SPEG: variants seen among roughly 807,000 people sequenced by gnomAD.
SPEG encodes striated muscle preferentially expressed protein kinase.
Under a neutral mutation model 300.4 loss-of-function variants are expected in SPEG, and 114 were observed. The observed-to-expected ratio is 0.38, with a 90% CI of 0.33 to 0.44. The LOEUF (loss-of-function observed/expected upper bound fraction) is 0.44, where lower values mean the gene tolerates loss of function less well. SPEG is among the 20% of genes least tolerant of loss of function. The pLI is 1.00. For missense variants in SPEG, 4,201 were observed against 4,586.2 expected, an observed-to-expected ratio of 0.92 and a Z score of 2.43; for synonymous variants, 1,964 against 2,018.9, an observed-to-expected ratio of 0.97 and a Z score of 0.73.
intron 18 of SPEG, among the ~76,000 whole-genome samples, chr2:219,476,052 C>T (rs1692313552): frequency 6.6e-6 from 1 of 152,060 alleles, no homozygotes; most frequent in African/African-American, 2.4e-5. Flanking sequence ...TGGCGGGGGA[C>T]ACCTGGAAGT....
chr2:219,481,176 C>G lies in SPEG; in HGVS notation c.5370-128C>G. The G allele has an allele frequency of 9.9e-7, 1 of 1,008,882 alleles. No homozygotes were observed. Among genetic ancestry groups the G allele is most frequent in the South Asian group, 1.5e-5 (1 of 66,774 alleles). The allele number at this position is 1,008,882 out of a possible 1,614,324, so 62.5% of individuals were successfully genotyped here. A position where few individuals can be genotyped will look rare whatever the true frequency, so the allele number is the denominator to read the frequency against. On this transcript the variant is annotated intron_variant, in intron 26 of 40. Transcript: ENST00000312358. This position sits in a 1 kb window ranked among gnomAD's most constrained non-coding sequence, Gnocchi z 5.4. ...AGAGAGTCCGCAGCCTCACCTCTTA[C>G]CCACATTTGCCCAGCCTCTGTCATC... is the stretch of plus-strand genomic sequence containing the variant.
Position 219,464,514 on chromosome 2 carries a change from C to A in SPEG, c.2787C>A (p.Ile929=). The part of the protein sequence containing the change: ...EAEGGLCRLR[I]LAAERGDAGF... ...AGGGTGGGCTGTGCCGGCTGCGGAT[C>A]CTGGCTGCAGAGCGTGGCGATGCTG... The change falls in exon 9 of 41, where the codon ATC becomes ATA. Residue 929 remains isoleucine, a synonymous_variant. Coordinates refer to ENST00000312358, the MANE Select transcript of SPEG (RefSeq NM_005876.5). The surrounding 1 kb of genome is among the most constrained non-coding windows in gnomAD (Gnocchi z 4.5). 1 of 1,614,208 alleles carries A rather than the reference C, an allele frequency of 6.2e-7. No individual in the cohort carries two copies. The highest frequency in any genetic ancestry group is 1.3e-5 in the African/African-American group (1 of 75,074).
rs749359893 is a variant in SPEG at position 219,464,593 on chromosome 2, C to T, written c.2866C>T (p.Arg956Cys). 6.9e-5 allele frequency: 112 copies of T among 1,613,948 alleles called. No individual in the cohort carries two copies. The highest frequency in any genetic ancestry group is 8.8e-5 in the Non-Finnish European group (104 of 1,179,906). Reference sequence around the variant, plus strand: ...GTATGGTGCTCGGCAGTGCGAGGCCCGCTTGGAGGTCCGAGGTGAGTACCT... The same window carrying T: ...GTATGGTGCTCGGCAGTGCGAGGCCTGCTTGGAGGTCCGAGGTGAGTACCT... The part of the protein sequence containing the change: ...NEYGARQCEA[R>C]LEVRAHPESR... Residue 956 changes from arginine to cysteine, a missense_variant, in exon 9 of 41, where the codon CGC (arginine) becomes TGC (cysteine). By Grantham distance (180) the Arg-to-Cys change is radical. Transcript: ENST00000312358. The surrounding 1 kb of genome is among the most constrained non-coding windows in gnomAD (Gnocchi z 4.5).
Position 219,477,791 on chromosome 2 carries a change from G to C in SPEG, c.4826+6G>C. The C allele has an allele frequency of 6.2e-7, 1 of 1,601,946 alleles. No homozygotes were observed. On this transcript the variant is annotated splice_donor_region_variant and intron_variant, in intron 21 of 40. Transcript: ENST00000312358. This position sits in a 1 kb window ranked among gnomAD's most constrained non-coding sequence, Gnocchi z 6.4. ...ATCCACCAGGAGATCGGCAGGTGTG[G>C]GGCTAGGAGGGAAGCCAGTGGGGGC...
intron 15 of SPEG, 73 bp from the exon 16 acceptor site, chr2:219,472,817 G>A: frequency 7.6e-7 from 1 of 1,318,208 alleles, no homozygotes; most frequent in Admixed American, 2.2e-5. Context: ...GAGTTCCAGG[G>A]TCCCGGGCCA....
Position 219,448,780 on chromosome 2 carries a change from C to T in SPEG, c.1622C>T (p.Thr541Ile), listed in dbSNP as rs929264588. The change falls in exon 4 of 41, where the codon ACC becomes ATC. Residue 541 changes from threonine (T) to isoleucine (I), a missense_variant. This residue lies in a region of SPEG where 1,258 missense variants were observed against 1,293.9 expected (regional missense o/e 0.97). Transcript: ENST00000312358. ...GEPPLFSRPS[T>I]PKTSRAVSPA... ...CCCCCGCTCTTCTCTCGGCCCTCCA[C>T]CCCCAAGACATCGCGGGCCGTGAGC... 7.1e-5 allele frequency: 101 copies of T among 1,424,430 alleles called. No homozygotes were observed. Among genetic ancestry groups the T allele is most frequent in the Non-Finnish European group, 8.5e-5 (93 of 1,096,736 alleles). The allele number at this position is 1,424,430 out of a possible 1,614,324, so 88.2% of individuals were successfully genotyped here. A position where few individuals can be genotyped will look rare whatever the true frequency, so the allele number is the denominator to read the frequency against.
In SPEG at chr2:219,492,097, A is replaced by G; in HGVS notation, c.9462-14A>G. The G allele has an allele frequency of 6.2e-7, 1 of 1,606,928 alleles. No homozygotes were observed. The highest frequency in any genetic ancestry group is 8.5e-7 in the Non-Finnish European group (1 of 1,175,458). On this transcript the variant is annotated splice_polypyrimidine_tract_variant and intron_variant, in intron 39 of 40. Transcript: ENST00000312358. Reference sequence around the variant, plus strand: ...CCGGTCTGCATACGTCAATCAAGCTATCTTCCCCAACAGGCTCAGTGGACG... The same window carrying G: ...CCGGTCTGCATACGTCAATCAAGCTGTCTTCCCCAACAGGCTCAGTGGACG...
At chr2:219,491,894 G>T (rs1386440583) in intron 39 of SPEG, 25 bp downstream of exon 39, 1 of 1,560,340 alleles carries the variant, frequency 6.4e-7, no homozygotes, top group Non-Finnish European at 8.7e-7. Flanking sequence ...CCCCACCGCA[G>T]CCCTCTCTGC....
In SPEG at chr2:219,473,122, G is replaced by C; in HGVS notation, c.4147+26G>C. 1 of 1,603,520 alleles carries C rather than the reference G, an allele frequency of 6.2e-7. No homozygotes were observed. The highest frequency in any genetic ancestry group is 8.5e-7 in the Non-Finnish European group (1 of 1,174,000). On this transcript the variant is annotated intron_variant, in intron 16 of 40. Transcript: ENST00000312358. The surrounding 1 kb of genome is among the most constrained non-coding windows in gnomAD (Gnocchi z 4.6). ...GTGAGCCTGGGTGCTCCTGTCGGGTGGGGGTGGGAGCTGCTGGGATGGGGA... is the reference window on the plus strand; with the variant it reads ...GTGAGCCTGGGTGCTCCTGTCGGGTCGGGGTGGGAGCTGCTGGGATGGGGA...
Position 219,483,890 on chromosome 2 carries a change from C to T in SPEG, c.6427C>T (p.Arg2143Cys). 1 of 1,599,904 alleles carries T rather than the reference C, an allele frequency of 6.3e-7. No individual in the cohort carries two copies. Among genetic ancestry groups the T allele is most frequent in the Non-Finnish European group, 8.5e-7 (1 of 1,178,208 alleles). ...QGEAEPRGRH[R>C]RAGAPLEIPV... is the part of the protein sequence containing the mutation. ...TGAGGCGGAGCCCCGGGGCCGGCACCGCCGAGCGGGGGCGCCCCTCGAGAT... is the reference window on the plus strand; with the variant it reads ...TGAGGCGGAGCCCCGGGGCCGGCACTGCCGAGCGGGGGCGCCCCTCGAGAT... The change falls in exon 30 of 41, where the codon CGC (arginine) becomes TGC (cysteine). Residue 2143 changes from arginine (R) to cysteine (C), a missense_variant. This residue lies in a region of SPEG where 1,578 missense variants were observed against 1,506.0 expected (regional missense o/e 1.05). Coordinates refer to ENST00000312358, the MANE Select transcript of SPEG (RefSeq NM_005876.5).
At chr2:219,435,478 C>A in intron 1 of SPEG, 113 bp downstream of exon 1, 1 of 1,212,412 alleles carries the variant, frequency 8.2e-7, no homozygotes, top group Non-Finnish European at 1.1e-6. Flanking sequence ...GCCTTCTTCC[C>A]AGGTGCCCTG....
chr2:219,482,939 G>T, intron 29 of SPEG, 87 bp downstream of exon 29: 2 of 1,450,352 alleles, frequency 1.4e-6, no homozygotes, highest in Non-Finnish European at 1.9e-6. Flanking sequence ...TTCATCTCCT[G>T]CTCCTGTCTT....
In SPEG at chr2:219,473,792, C is replaced by G. The variant is rs1452013573; in HGVS notation, c.4336C>G (p.Gln1446Glu). Residue 1446 changes from glutamine to glutamate, a missense_variant, in exon 18 of 41, where the codon CAG (glutamine) becomes GAG (glutamate). Coordinates refer to ENST00000312358, the MANE Select transcript of SPEG (RefSeq NM_005876.5). This position sits in a 1 kb window ranked among gnomAD's most constrained non-coding sequence, Gnocchi z 4.6. ...CGAGCTGAGCCAGCCAGATGATGAC[C>G]AGTACTGTCTTCGGATCTGCCGGGT... The part of the protein sequence containing the change: ...VYELSQPDDD[Q>E]YCLRICRVSR... 6.2e-7 allele frequency: 1 copy of G among 1,614,040 alleles called. No homozygotes were observed. The highest frequency in any genetic ancestry group is 1.1e-5 in the South Asian group (1 of 91,082).
At chr2:219,463,286 G>C (rs578016148) in intron 8 of SPEG, among the ~76,000 whole-genome samples, 2 of 151,866 alleles carry the variant, frequency 1.3e-5, no homozygotes, top group African/African-American at 2.4e-5. Flanking sequence ...AAGCAGAGGG[G>C]CCTCGCTCAT....
rs1487163945 is a variant in SPEG, at chr2:219,464,400, G to A, written c.2706-33G>A. ...CCTGTGCACGCACATCAGGCCCCTG[G>A]GCCCTGGGACTGAGTTCTTGCCCCT... On this transcript the variant is annotated intron_variant, in intron 8 of 40. Transcript: ENST00000312358. This position sits in a 1 kb window ranked among gnomAD's most constrained non-coding sequence, Gnocchi z 4.5. The A allele has an allele frequency of 1.3e-6, 2 of 1,591,906 alleles. No homozygotes were observed. The highest frequency in any genetic ancestry group is 3.4e-5 in the Admixed American group (2 of 59,220).
Position 219,481,382 on chromosome 2 carries a change from C to T in SPEG, c.5448C>T (p.Phe1816=), listed in dbSNP as rs200268589. 7.3e-5 allele frequency: 118 copies of T among 1,614,174 alleles called. No homozygotes were observed. In the African/African-American group the frequency reaches 1.3e-3, roughly 17 times the overall value. Reference sequence around the variant, plus strand: ...ACATCCGAAACTACAACGTGGCCTTCGAGGAGACCACATTCCTGAGCCTGA... The same window carrying T: ...ACATCCGAAACTACAACGTGGCCTTTGAGGAGACCACATTCCTGAGCCTGA... ...LMNIRNYNVA[F]EETTFLSLSR... The change falls in exon 27 of 41, where the codon TTC becomes TTT. Residue 1816 remains phenylalanine (F), a synonymous_variant. Coordinates refer to ENST00000312358, the MANE Select transcript of SPEG (RefSeq NM_005876.5). This position sits in a 1 kb window ranked among gnomAD's most constrained non-coding sequence, Gnocchi z 5.4.
Position 219,435,352 on chromosome 2 carries a change from G to A in SPEG, c.375G>A (p.Val125=). ...GRASCEAVLT[V]LEVGDSETAE... ...CCTCCTGCGAGGCGGTGCTCACAGT[G>A]CTGGAGGTCGGAGGTAAAGGGCAGG... The change falls in exon 1 of 41, where the codon GTG becomes GTA. Residue 125 remains valine (V), a synonymous_variant. Coordinates refer to ENST00000312358, the MANE Select transcript of SPEG (RefSeq NM_005876.5). The A allele has an allele frequency of 2.0e-6, 3 of 1,538,170 alleles. No homozygotes were observed. Among genetic ancestry groups the A allele is most frequent in the Non-Finnish European group, 2.6e-6 (3 of 1,149,582 alleles).
chr2:219,478,746 G>A (rs1298700714), intron 22 of SPEG, among the ~76,000 whole-genome samples: 1 of 152,144 alleles, frequency 6.6e-6, no homozygotes, highest in Non-Finnish European at 1.5e-5. Context: ...TCCATGTCAT[G>A]GATCTTCTAG....
chr2:219,442,171 G>A, intron 1 of SPEG: 4 of 862,642 alleles, frequency 4.6e-6, no homozygotes, highest in Non-Finnish European at 6.0e-6. Context: ...AGCTGGGCCC[G>A]GTGGAGGGGG....
Sources: allele counts gnomAD v4.1 joint callset (sites outside exome capture counted in the v4.1 genomes callset), GRCh38; gene constraint gnomAD v4.1.1; regional missense constraint gnomAD v4.1.1; non-coding constraint Gnocchi (gnomAD v3.1); transcripts MANE v1.5; gene names NCBI Gene and HGNC (gene_info 2026-07-23, HGNC 2026-07-21).